The following C10orf90 variants were observed in gnomAD, a reference collection of about 807,000 sequenced individuals.
The protein encoded by C10orf90 is (E2-independent) E3 ubiquitin-conjugating enzyme FATS.
Under a neutral mutation model 62.5 loss-of-function variants are expected in C10orf90, and 56 were observed. The ratio of observed to expected loss-of-function variants is 0.90; its 90% confidence interval spans 0.72 to 1.12. C10orf90 has a LOEUF of 1.12. Among genes scored for constraint, C10orf90 ranks in the 50% most tolerant of loss-of-function variants. The pLI, the probability that C10orf90 is intolerant of heterozygous loss-of-function variation, is 0.00. For synonymous variants in C10orf90, 386 were observed against 340.4 expected, an observed-to-expected ratio of 1.13 and a Z score of -1.47; for missense variants, 970 against 880.4, an observed-to-expected ratio of 1.10 and a Z score of -1.29.
chr10:126,489,019 C>T lies in C10orf90; in HGVS notation c.1534+14938G>A, dbSNP rs575898022. ...GGAAACAGAGGAGGAGAGAACGTTT[C>T]CCAGTTCATTGTATAAACCTTTTTC... is the stretch of plus-strand genomic sequence containing the variant. On this transcript the variant is annotated intron_variant, in intron 4 of 9. Transcript: ENST00000488181. Among the ~76,000 whole-genome samples, 5 of 152,156 alleles carry T rather than the reference C, an allele frequency of 3.3e-5. No homozygotes were observed. The South Asian group carries it at 1.0e-3, about 32-fold the overall frequency.
At chr10:126,471,465 G>C (rs773656809) in intron 4 of C10orf90, among the ~76,000 whole-genome samples, 3 of 152,220 alleles carry the variant, frequency 2.0e-5, no homozygotes, top group Non-Finnish European at 4.4e-5. Flanking sequence ...CTTGTAAACT[G>C]TGGTAGTGAT....
chr10:126,470,556 C>T (rs756971566), intron 4 of C10orf90, among the ~76,000 whole-genome samples: 8 of 147,352 alleles, frequency 5.4e-5, no homozygotes, highest in Non-Finnish European at 1.2e-4. Context: ...ATAGTAAGAC[C>T]CTAACTCTAC....
intron 4 of C10orf90, among the ~76,000 whole-genome samples, chr10:126,482,383 T>A (rs995966756): frequency 6.6e-6 from 1 of 152,160 alleles, no homozygotes; most frequent in Non-Finnish European, 1.5e-5. Flanking sequence ...AATGCAAATG[T>A]ACAGATTCCA....
intron 4 of C10orf90, among the ~76,000 whole-genome samples, chr10:126,499,669 T>C (rs1862267455): frequency 6.6e-6 from 1 of 152,140 alleles, no homozygotes; most frequent in Admixed American, 6.6e-5. Flanking sequence ...ACTTCTGCCT[T>C]CCAGTCATCC....
At position 126,642,328 on chromosome 10, in the gene C10orf90, C is replaced by T. The variant is rs368647965; in HGVS notation, c.313+4237G>A. Among the ~76,000 whole-genome samples the T allele has an allele frequency of 3.0e-3, 461 of 152,124 alleles. 2 individuals are homozygous for T. The highest frequency in any genetic ancestry group is 5.8e-3 in the Admixed American group (88 of 15,282). On this transcript the variant is annotated intron_variant, in intron 2 of 9. Coordinates refer to ENST00000488181, the MANE Select transcript of C10orf90 (RefSeq NM_001350921.2). Reference sequence around the variant, plus strand: ...TGGGCAGATCACGAGGTCGGGAGATCGAGACCATCCTGGCTAACATGGTGA... The same window carrying T: ...TGGGCAGATCACGAGGTCGGGAGATTGAGACCATCCTGGCTAACATGGTGA...
chr10:126,504,384 G>C lies in C10orf90; in HGVS notation c.1107C>G (p.Ser369=), dbSNP rs78267894. 3,272 of 1,614,164 alleles carry C rather than the reference G, an allele frequency of 2.0e-3. 101 individuals carry two copies. In the East Asian group the frequency reaches 0.067, roughly 33 times the overall value. ...CAATTTGAGGTGGCTCAATGGGGACGGAGAGAGACTTGTCTACGTAATAGA... is the reference window on the plus strand; with the variant it reads ...CAATTTGAGGTGGCTCAATGGGGACCGAGAGAGACTTGTCTACGTAATAGA... The part of the protein sequence containing the change: ...DSIYYVDKSL[S]VPIEPPQIAS... Residue 369 remains serine (S), a synonymous_variant, in exon 4 of 10, where the codon TCC becomes TCG. Transcript: ENST00000488181. The surrounding 1 kb of genome is among the most constrained non-coding windows in gnomAD (Gnocchi z 4.1).
rs145104136 is a variant in C10orf90, at chr10:126,504,327, C to A, written c.1164G>T (p.Ser388=). 2.5e-6 allele frequency: 4 copies of A among 1,613,722 alleles called. No homozygotes were observed. Among genetic ancestry groups the A allele is most frequent in the African/African-American group, 1.3e-5 (1 of 75,036 alleles). ...TGTGGGAACTACAATTGAGGTTGAGCGACAGGACGGATCTGTGCATTTTGG... is the reference window on the plus strand; with the variant it reads ...TGTGGGAACTACAATTGAGGTTGAGAGACAGGACGGATCTGTGCATTTTGG... The part of the protein sequence containing the change: ...ASPKMHRSVL[S]LNLNCSSHRL... Residue 388 remains serine, a synonymous_variant, in exon 4 of 10, where the codon TCG becomes TCT. Coordinates refer to ENST00000488181, the MANE Select transcript of C10orf90 (RefSeq NM_001350921.2). This position sits in a 1 kb window ranked among gnomAD's most constrained non-coding sequence, Gnocchi z 4.1.
intron 1 of C10orf90, among the ~76,000 whole-genome samples, chr10:126,658,627 A>C (rs1846443904): frequency 6.6e-6 from 1 of 152,244 alleles, no homozygotes; most frequent in Non-Finnish European, 1.5e-5. Flanking sequence ...TAACATTTTA[A>C]TTTTTACTTA....
chr10:126,442,142 T>C (rs190093347), intron 7 of C10orf90, among the ~76,000 whole-genome samples: 262 of 152,054 alleles, frequency 1.7e-3, no homozygotes, highest in African/African-American at 5.9e-3. Context: ...CAGCCAACCA[T>C]CTGCTGCCTT....
At chr10:126,468,839 A>G (rs977974400) in intron 4 of C10orf90, among the ~76,000 whole-genome samples, 1 of 152,196 alleles carries the variant, frequency 6.6e-6, no homozygotes, top group African/African-American at 2.4e-5. Context: ...GGTCCTTAGG[A>G]CAATATGAGA....
intron 2 of C10orf90, among the ~76,000 whole-genome samples, chr10:126,564,743 C>T (rs1844262205): frequency 7.3e-6 from 1 of 137,166 alleles, no homozygotes; most frequent in African/African-American, 2.8e-5. Context: ...TCACTCATCC[C>T]CACCCTCCTG....
intron 8 of C10orf90, among the ~76,000 whole-genome samples, chr10:126,428,747 T>A (rs1383916430): frequency 6.6e-6 from 1 of 152,176 alleles, no homozygotes; most frequent in African/African-American, 2.4e-5. Context: ...TTTCAGTAAA[T>A]TGAAAAGGGA....
chr10:126,507,159 A>C (rs1230824444), intron 3 of C10orf90, among the ~76,000 whole-genome samples: 4 of 152,040 alleles, frequency 2.6e-5, no homozygotes, highest in Non-Finnish European at 4.4e-5. Context: ...AGATTAAGAC[A>C]ATCCTGGCTA....
chr10:126,622,960 G>A (rs17155055), intron 2 of C10orf90, among the ~76,000 whole-genome samples: 7,852 of 152,240 alleles, frequency 0.052, 615 homozygotes, highest in African/African-American at 0.18. Context: ...GGAAAGCTTC[G>A]CACGAAATAT....
At chr10:126,478,734 G>A (rs945906000) in intron 4 of C10orf90, among the ~76,000 whole-genome samples, 3 of 152,078 alleles carry the variant, frequency 2.0e-5, no homozygotes, top group South Asian at 2.1e-4. Context: ...AAACCAAAGC[G>A]TGCTGGGGGA....
At chr10:126,515,308 C>T (rs1025884104) in intron 2 of C10orf90, among the ~76,000 whole-genome samples, 1 of 152,132 alleles carries the variant, frequency 6.6e-6, no homozygotes, top group African/African-American at 2.4e-5. Context: ...CTGTCCTAGG[C>T]CTCCCCATTC....
intron 2 of C10orf90, among the ~76,000 whole-genome samples, chr10:126,550,706 C>A (rs1165256446): frequency 6.6e-6 from 1 of 151,476 alleles, no homozygotes; most frequent in Non-Finnish European, 1.5e-5. Flanking sequence ...AATGGTGTTT[C>A]ACCATGTTGG....
intron 8 of C10orf90, among the ~76,000 whole-genome samples, chr10:126,427,830 T>C (rs1857349427): frequency 2.0e-5 from 3 of 152,300 alleles, no homozygotes; most frequent in Admixed American, 6.5e-5. Context: ...AGCTTGCGTA[T>C]CATGGGACTT....
At chr10:126,596,532 T>C in intron 2 of C10orf90, among the ~76,000 whole-genome samples, 1 of 152,172 alleles carries the variant, frequency 6.6e-6, no homozygotes, top group East Asian at 1.9e-4. Context: ...GTTGAAAATA[T>C]TCTAAGTCAA....
Sources: allele counts gnomAD v4.1 joint callset (sites outside exome capture counted in the v4.1 genomes callset), GRCh38; gene constraint gnomAD v4.1.1; non-coding constraint Gnocchi (gnomAD v3.1); transcripts MANE v1.5; gene names NCBI Gene and HGNC (gene_info 2026-07-23, HGNC 2026-07-21).